Variants in RELN observed in about 807,000 individuals in gnomAD.
RELN encodes reelin.
In RELN, 108 loss-of-function variants were observed where a neutral mutation model predicts 427.6. The ratio of observed to expected loss-of-function variants is 0.25; its 90% CI spans 0.22 to 0.30. The LOEUF (loss-of-function observed/expected upper bound fraction) is 0.30. Among genes scored for constraint, RELN ranks in the 10% least tolerant of loss-of-function variants. RELN has a pLI of 1.00. For synonymous variants in RELN, 1,524 were observed against 1,513.4 expected (o/e 1.01, Z -0.16); for missense variants, 3,715 against 4,302.8 (o/e 0.86, Z 3.82).
intron 4 of RELN, among the ~76,000 whole-genome samples, chr7:103,773,331 CTCCCTCGCTT>C (rs1375468438): frequency 1.0e-5 from 1 of 95,772 alleles, no homozygotes; most frequent in Non-Finnish European, 2.0e-5. Context: ...GTCTCTCTCT[CTCCCTCGCTT>C]CCTCTCTCTC....
intron 1 of RELN, among the ~76,000 whole-genome samples, chr7:103,952,554 T>TTCTCTC (rs145303514): frequency 0.13 from 19,590 of 149,834 alleles, 1,292 homozygotes; most frequent in Middle Eastern, 0.21. Flanking sequence ...CTCTCACTCT[T>TTCTCTC]TCTCTCTCTC....
chr7:103,913,718 A>T (rs906201611), intron 2 of RELN, among the ~76,000 whole-genome samples: 1 of 152,180 alleles, frequency 6.6e-6, no homozygotes, highest in Non-Finnish European at 1.5e-5. Flanking sequence ...TGGCCATTTT[A>T]TTTAAAAAGA....
intron 1 of RELN, among the ~76,000 whole-genome samples, chr7:103,948,717 A>G (rs1266549299): frequency 6.6e-6 from 1 of 152,130 alleles, no homozygotes; most frequent in Non-Finnish European, 1.5e-5. Context: ...TGCATAAATT[A>G]AAACATACAA....
intron 38 of RELN, 61 bp downstream of exon 38, chr7:103,556,916 A>C (rs371128233): frequency 8.7e-6 from 12 of 1,371,790 alleles, no homozygotes; most frequent in African/African-American, 5.7e-5. Flanking sequence ...CACACCTTAG[A>C]AACAAATGTG....
rs773617975 is a variant in RELN, at chr7:103,491,959, T to C, written c.9437A>G (p.Asp3146Gly). Residue 3146 changes from aspartate to glycine, a missense_variant, in exon 58 of 65, where the codon GAT becomes GGT. Physicochemically the swap from Asp to Gly is moderately conservative, Grantham distance 94. Transcript: ENST00000428762. Reference sequence around the variant, plus strand: ...TAAAAATTATTTCACAAACCTTGCATCCTTAGTGTATTCCAGCATTACGGA... The same window carrying C: ...TAAAAATTATTTCACAAACCTTGCACCCTTAGTGTATTCCAGCATTACGGA... The part of the protein sequence containing the change: ...LHSVMLEYTK[D>G]ARSDSWQLVQ... 1.9e-6 allele frequency: 3 copies of C among 1,605,884 alleles called. No individual in the cohort carries two copies. The highest frequency in any genetic ancestry group is 3.4e-5 in the Admixed American group (2 of 59,596).
rs1249248225 is a variant in RELN at position 103,824,751 on chromosome 7, A to G, written c.473+8786T>C. 1.3e-5 allele frequency among the ~76,000 whole-genome samples: 2 copies of G among 151,406 alleles called. No individual in the cohort carries two copies. The highest frequency in any genetic ancestry group is 2.4e-5 in the African/African-American group (1 of 41,148). The stretch of plus-strand genomic sequence containing the variant: ...TGCTATGCCAGTTCAGTCTTCCATG[A>G]TGCCAGAAATCCTCTACAAACATAT... On this transcript the variant is annotated intron_variant, in intron 3 of 64. Coordinates refer to ENST00000428762, the MANE Select transcript of RELN (RefSeq NM_005045.4). The surrounding 1 kb of genome is among the most constrained non-coding windows in gnomAD (Gnocchi z 4.4).
chr7:103,940,679 AC>A (rs1442900597), intron 1 of RELN, among the ~76,000 whole-genome samples: 1 of 152,116 alleles, frequency 6.6e-6, no homozygotes, highest in Non-Finnish European at 1.5e-5. Flanking sequence ...TGATAAAATA[AC>A]CAAATCTGAA....
intron 5 of RELN, among the ~76,000 whole-genome samples, chr7:103,751,277 A>C (rs1343436684): frequency 6.6e-6 from 1 of 152,208 alleles, no homozygotes; most frequent in Admixed American, 6.5e-5. Flanking sequence ...TATGTTTTTT[A>C]GGCTCACTCA....
chr7:103,977,051 C>A (rs1188511722), intron 1 of RELN, among the ~76,000 whole-genome samples: 4 of 151,630 alleles, frequency 2.6e-5, no homozygotes, highest in Admixed American at 2.0e-4. Flanking sequence ...GAACTCACGC[C>A]TGTAATCCCA....
intron 2 of RELN, among the ~76,000 whole-genome samples, chr7:103,856,023 G>T (rs1793935973): frequency 6.6e-6 from 1 of 152,130 alleles, no homozygotes. Context: ...AGAACCCAAG[G>T]AACTGCAGTG....
At chr7:103,909,680 ATT>A (rs1491152906) in intron 2 of RELN, among the ~76,000 whole-genome samples, 2,692 of 81,310 alleles carry the variant, frequency 0.033, 294 homozygotes, top group East Asian at 0.17. Flanking sequence ...TATTAAATAT[ATT>A]TAATAAATAT....
chr7:103,524,701 A>G (rs1444475788), intron 46 of RELN, among the ~76,000 whole-genome samples: 1 of 152,200 alleles, frequency 6.6e-6, no homozygotes, highest in African/African-American at 2.4e-5. Context: ...AGGAGTTTGC[A>G]TTTTCCAAAT....
intron 3 of RELN, among the ~76,000 whole-genome samples, chr7:103,821,023 G>A (rs1200948533): frequency 4.6e-5 from 7 of 151,870 alleles, no homozygotes; most frequent in African/African-American, 7.3e-5. Flanking sequence ...AAACAATACC[G>A]AACTTTTTAA....
Position 103,637,654 on chromosome 7 carries a change from G to A in RELN, c.2070-1186C>T, listed in dbSNP as rs531244908. On this transcript the variant is annotated intron_variant, in intron 17 of 64. Transcript: ENST00000428762. ...GGTATCTTAAGTAGCATCAATAAGG[G>A]GATGAAAGGAAAGCCAATATTTACT... Among the ~76,000 whole-genome samples, 4 of 152,222 alleles carry A rather than the reference G, an allele frequency of 2.6e-5. 1 individual carries two copies. Among genetic ancestry groups the A allele is most frequent in the African/African-American group, 9.6e-5 (4 of 41,524 alleles).
chr7:103,785,186 A>T (rs1005217858), intron 3 of RELN, among the ~76,000 whole-genome samples: 3 of 152,146 alleles, frequency 2.0e-5, no homozygotes, highest in Non-Finnish European at 2.9e-5. Flanking sequence ...GCCTTCTAAA[A>T]CATTAAAATA....
In RELN at chr7:103,953,879, T is replaced by A. The variant is rs1014390002; in HGVS notation, c.226+35252A>T. On this transcript the variant is annotated intron_variant, in intron 1 of 64. Transcript: ENST00000428762. The surrounding 1 kb of genome is among the most constrained non-coding windows in gnomAD (Gnocchi z 4.3). The stretch of plus-strand genomic sequence containing the variant: ...CCCAGGAGGCAGAGGCTGCAATGAG[T>A]CAAGACCGTGCCACTACATGCCAGG... Among the ~76,000 whole-genome samples, 6 of 149,936 alleles carry A rather than the reference T, an allele frequency of 4.0e-5. No homozygotes were observed. The highest frequency in any genetic ancestry group is 8.9e-5 in the Non-Finnish European group (6 of 67,428).
intron 3 of RELN, among the ~76,000 whole-genome samples, chr7:103,827,502 A>C (rs963230262): frequency 1.3e-5 from 2 of 152,020 alleles, no homozygotes; most frequent in African/African-American, 4.8e-5. Context: ...TAAAATTAAA[A>C]ACTAAATCCC....
At chr7:103,855,652 C>T (rs1163010268) in intron 2 of RELN, among the ~76,000 whole-genome samples, 1 of 152,172 alleles carries the variant, frequency 6.6e-6, no homozygotes, top group Non-Finnish European at 1.5e-5. Context: ...TGTATTGTCT[C>T]ACAGTTCTGG....
At chr7:103,572,121 G>T in intron 31 of RELN, 63 bp downstream of exon 31, 2 of 928,450 alleles carry the variant, frequency 2.2e-6, no homozygotes, top group South Asian at 1.3e-5. Context: ...GCCAAACTTT[G>T]GGAGGATAAA....
Sources: gnomAD v4.1 joint callset for allele counts (sites outside exome capture counted in the v4.1 genomes callset) on GRCh38, gnomAD v4.1.1 for gene constraint, Gnocchi (gnomAD v3.1) non-coding constraint, MANE v1.5 for transcripts, NCBI Gene and HGNC (gene_info 2026-07-23, HGNC 2026-07-21) for gene names.